The following DNAH9 variants were observed in gnomAD, a reference collection of about 807,000 sequenced individuals.
DNAH9 encodes the protein dynein axonemal heavy chain 9, also known as DNAH9 variant protein.
A neutral mutation model predicts 471.6 loss-of-function variants in DNAH9; 345 were observed. That is an observed-to-expected ratio of 0.73 (90% CI 0.67 to 0.80). The LOEUF is 0.80. DNAH9 is among the 30% of genes least tolerant of loss of function. DNAH9 has a pLI of 0.00. For missense variants in DNAH9, 5,407 were observed against 5,609.2 expected (o/e 0.96, Z 1.15); for synonymous variants, 2,093 against 2,123.6 (o/e 0.99, Z 0.40).
chr17:11,632,816 T>G, intron 8 of DNAH9, 113 bp downstream of exon 8: 1 of 568,084 alleles, frequency 1.8e-6, no homozygotes, highest in Non-Finnish European at 3.2e-6. Context: ...TTAATTATTC[T>G]TATTAATCTA....
At chr17:11,888,141 C>T (rs919366297) in intron 57 of DNAH9, among the ~76,000 whole-genome samples, 1 of 151,872 alleles carries the variant, frequency 6.6e-6, no homozygotes, top group Non-Finnish European at 1.5e-5. Context: ...CACCACCGCA[C>T]CTGGCTAATT....
chr17:11,698,797 G>T (rs576439115), intron 22 of DNAH9, among the ~76,000 whole-genome samples: 58 of 151,908 alleles, frequency 3.8e-4, no homozygotes, highest in African/African-American at 1.4e-3. Flanking sequence ...ATCCCTCCTA[G>T]CACTACAGCC....
Position 11,738,586 on chromosome 17 carries a change from G to A in DNAH9, c.5815-294G>A, listed in dbSNP as rs184496754. Reference sequence around the variant, plus strand: ...AGTAGAGACGGGGTTTCACCATGTTGGCCAGGCTAGTCTTGAACTCTTGAC... The same window carrying A: ...AGTAGAGACGGGGTTTCACCATGTTAGCCAGGCTAGTCTTGAACTCTTGAC... On this transcript the variant is annotated intron_variant, in intron 28 of 68. Coordinates refer to ENST00000262442, the MANE Select transcript of DNAH9 (RefSeq NM_001372.4). 3.9e-5 allele frequency among the ~76,000 whole-genome samples: 6 copies of A among 152,206 alleles called. No individual in the cohort carries two copies. In the East Asian group the frequency reaches 1.2e-3, roughly 29 times the overall value.
rs1478432991 is a variant in DNAH9, at chr17:11,962,095, G to A, written c.13072G>A (p.Ala4358Thr). The change falls in exon 68 of 69, where the codon GCC becomes ACC. Residue 4358 changes from alanine to threonine, a missense_variant. This residue lies in a region of DNAH9 where 4,636 missense variants were observed against 4,900.3 expected (regional missense o/e 0.95). Transcript: ENST00000262442. This position sits in a 1 kb window ranked among gnomAD's most constrained non-coding sequence, Gnocchi z 4.1. The part of the protein sequence containing the change: ...GFFNPQSFLT[A>T]IMQSTARKNE... ...CTTCAACCCCCAGTCGTTCCTGACT[G>A]CCATCATGCAGTCCACGGCTCGCAA... 6.2e-7 allele frequency: 1 copy of A among 1,614,186 alleles called. No individual in the cohort carries two copies. Among genetic ancestry groups the A allele is most frequent in the Non-Finnish European group, 8.5e-7 (1 of 1,180,040 alleles).
chr17:11,690,553 C>T (rs1427526809), intron 20 of DNAH9, 117 bp downstream of exon 20: 1 of 929,714 alleles, frequency 1.1e-6, no homozygotes, highest in Non-Finnish European at 1.6e-6. Flanking sequence ...TTTGACTTTA[C>T]TTAAAGGCAC....
intron 5 of DNAH9, among the ~76,000 whole-genome samples, chr17:11,617,991 TC>T (rs2072780595): frequency 6.6e-6 from 1 of 152,188 alleles, no homozygotes; most frequent in African/African-American, 2.4e-5. Context: ...GCTGTACCAA[TC>T]CCTGGCTTTG....
intron 22 of DNAH9, among the ~76,000 whole-genome samples, chr17:11,698,810 A>C (rs1021723152): frequency 6.7e-6 from 1 of 150,102 alleles, no homozygotes. Flanking sequence ...CTACAGCCCC[A>C]GGCAATCACT....
At chr17:11,743,028 AC>A (rs1198254297) in intron 30 of DNAH9, among the ~76,000 whole-genome samples, 8 of 151,618 alleles carry the variant, frequency 5.3e-5, no homozygotes, top group African/African-American at 1.7e-4. Flanking sequence ...TTTATCCCAA[AC>A]CTCTCTTCTG....
In DNAH9 at chr17:11,941,781, AGAT is replaced by A. The variant is rs145251419; in HGVS notation, c.12661-518_12661-516del. ...TGGATAGATGAATGACAGATTAGATAGATGATAGATAGATAGATATTGTATATA... is the reference window on the plus strand; with the variant it reads ...TGGATAGATGAATGACAGATTAGATAGATAGATAGATAGATATTGTATATA... On this transcript the variant is annotated intron_variant, in intron 66 of 68. Transcript: ENST00000262442. Among the ~76,000 whole-genome samples, 53 of 152,128 alleles carry A rather than the reference AGAT, an allele frequency of 3.5e-4. 1 individual carries two copies. In the East Asian group the frequency reaches 7.3e-3, roughly 21 times the overall value.
At chr17:11,805,147 C>T (rs1969619271) in intron 43 of DNAH9, among the ~76,000 whole-genome samples, 1 of 152,060 alleles carries the variant, frequency 6.6e-6, no homozygotes, top group African/African-American at 2.4e-5. Flanking sequence ...GCAGCAAGCG[C>T]ACCCCACAGG....
intron 42 of DNAH9, among the ~76,000 whole-genome samples, chr17:11,796,707 C>T (rs1969255879): frequency 6.6e-6 from 1 of 152,214 alleles, no homozygotes; most frequent in Non-Finnish European, 1.5e-5. Flanking sequence ...GGCATAACTT[C>T]CTATTTGTGT....
chr17:11,930,662 G>C (rs1336428478), intron 63 of DNAH9, among the ~76,000 whole-genome samples: 2 of 151,400 alleles, frequency 1.3e-5, no homozygotes, highest in Non-Finnish European at 2.9e-5. Context: ...CTACCTGGGA[G>C]GCTGAGGCAA....
intron 27 of DNAH9, among the ~76,000 whole-genome samples, chr17:11,722,696 A>G (rs987919269): frequency 1.3e-5 from 2 of 152,152 alleles, no homozygotes; most frequent in Non-Finnish European, 2.9e-5. Context: ...GGAGGACAGG[A>G]GAACAGCGCA....
chr17:11,649,596 AC>A (rs2073461285), intron 12 of DNAH9, among the ~76,000 whole-genome samples: 1 of 152,140 alleles, frequency 6.6e-6, no homozygotes, highest in South Asian at 2.1e-4. Flanking sequence ...ACATTTTGAG[AC>A]TTTTCATGTA....
In DNAH9 at chr17:11,727,888, T is replaced by A. The variant is rs2075183600; in HGVS notation, c.5780T>A (p.Ile1927Asn). 1 of 1,614,008 alleles carries A rather than the reference T, an allele frequency of 6.2e-7. No homozygotes were observed. The highest frequency in any genetic ancestry group is 1.1e-5 in the South Asian group (1 of 91,086). The change falls in exon 28 of 69, where the codon ATC becomes AAC. Residue 1927 changes from isoleucine (I) to asparagine (N), a missense_variant. Around this residue, in one of 3 missense-constraint regions of DNAH9, gnomAD observed 4,636 missense variants for 4,900.3 expected, o/e 0.95. Coordinates refer to ENST00000262442, the MANE Select transcript of DNAH9 (RefSeq NM_001372.4). The stretch of plus-strand genomic sequence containing the variant: ...GGCTGCTTTGATGAGTTTAATCGAA[T>A]CTCCGTGGAGGTCTTGTCAGTGGTG... ...AWGCFDEFNRISVEVLSVVAV... is the reference protein window; with the variant it reads ...AWGCFDEFNRNSVEVLSVVAV...
At chr17:11,955,981 C>T (rs561246647) in intron 67 of DNAH9, among the ~76,000 whole-genome samples, 10 of 152,282 alleles carry the variant, frequency 6.6e-5, no homozygotes, top group African/African-American at 2.2e-4. Context: ...TAACCGTTAA[C>T]GAGGAGCTAA....
At chr17:11,774,349 C>T (rs1968337334) in intron 38 of DNAH9, among the ~76,000 whole-genome samples, 1 of 152,132 alleles carries the variant, frequency 6.6e-6, no homozygotes, top group Non-Finnish European at 1.5e-5. Context: ...TGGCAACTTA[C>T]TTGCATTAGT....
At chr17:11,864,531 AT>A (rs1176719917) in intron 50 of DNAH9, among the ~76,000 whole-genome samples, 3 of 151,472 alleles carry the variant, frequency 2.0e-5, no homozygotes, top group African/African-American at 7.3e-5. Context: ...GTAGATGTCT[AT>A]TAGGTCCACT....
chr17:11,743,899 G>A (rs1322222236), intron 30 of DNAH9, among the ~76,000 whole-genome samples: 3 of 150,752 alleles, frequency 2.0e-5, no homozygotes, highest in African/African-American at 7.3e-5. Context: ...GCGTGATCTC[G>A]GCTCGCTGCA....
Sources: allele counts gnomAD v4.1 joint callset (sites outside exome capture counted in the v4.1 genomes callset), GRCh38; gene constraint gnomAD v4.1.1; regional missense constraint gnomAD v4.1.1; non-coding constraint Gnocchi (gnomAD v3.1); transcripts MANE v1.5; gene names NCBI Gene and HGNC (gene_info 2026-07-23, HGNC 2026-07-21).